The following FNIP1 variants were observed in gnomAD, a reference collection of about 807,000 sequenced individuals.
FNIP1 encodes the protein folliculin interacting protein 1.
Under a neutral mutation model 124.5 loss-of-function variants are expected in FNIP1, and 40 were observed. The ratio of observed to expected loss-of-function variants is 0.32; its 90% CI spans 0.25 to 0.42. FNIP1 has a LOEUF of 0.42. FNIP1 is among the 10% of genes least tolerant of loss of function. The pLI, the probability that FNIP1 is intolerant of heterozygous loss-of-function variation, is 1.00. For missense variants in FNIP1, 1,176 were observed against 1,403.7 expected (o/e 0.84, Z 2.59); for synonymous variants, 472 against 470.6 (o/e 1.00, Z -0.04).
intron 6 of FNIP1, among the ~76,000 whole-genome samples, chr5:131,711,228 C>G (rs1443026146): frequency 6.6e-6 from 1 of 152,134 alleles, no homozygotes; most frequent in Non-Finnish European, 1.5e-5. Flanking sequence ...GGTTACTAAA[C>G]CAGGAGTCAG....
rs748881602 is a variant in FNIP1 at position 131,709,287 on chromosome 5, G to A, written c.707-15C>T. 8.7e-6 allele frequency: 14 copies of A among 1,606,204 alleles called. No individual in the cohort carries two copies. In the East Asian group the frequency reaches 2.7e-4, roughly 31 times the overall value. On this transcript the variant is annotated splice_polypyrimidine_tract_variant and intron_variant, in intron 7 of 17. Coordinates refer to ENST00000510461, the MANE Select transcript of FNIP1 (RefSeq NM_133372.3). ...GTTGCTGTGAACTATAAATAAAGAT[G>A]AAACTGTCAGTTATAAAATATATTG...
intron 1 of FNIP1, among the ~76,000 whole-genome samples, chr5:131,771,136 G>A (rs1021459507): frequency 6.6e-6 from 1 of 151,986 alleles, no homozygotes; most frequent in Non-Finnish European, 1.5e-5. Context: ...CTGTGACAAA[G>A]ACATAAATTC....
Position 131,719,052 on chromosome 5 carries a change from G to A in FNIP1, c.464C>T (p.Pro155Leu). The A allele has an allele frequency of 6.2e-7, 1 of 1,613,534 alleles. No homozygotes were observed. The highest frequency in any genetic ancestry group is 8.5e-7 in the Non-Finnish European group (1 of 1,179,646). ...AAACACTTTGCTGAGCATGAGCTGT[G>A]GAGGGGAACTATGAAGAAAAAGAGA... ...TLKIHQIRSPPQLMLSKVFTA... is the reference protein window; with the variant it reads ...TLKIHQIRSPLQLMLSKVFTA... The change falls in exon 5 of 18, where the codon CCA becomes CTA. Residue 155 changes from proline (P) to leucine (L), a missense_variant. Around this residue, in one of 2 missense-constraint regions of FNIP1, gnomAD observed 1,109 missense variants for 1,288.5 expected, o/e 0.86. Transcript: ENST00000510461.
chr5:131,737,395 G>A (rs547567763), intron 2 of FNIP1, among the ~76,000 whole-genome samples: 47 of 152,254 alleles, frequency 3.1e-4, no homozygotes, highest in African/African-American at 8.9e-4. Flanking sequence ...TCCTGGAACT[G>A]AAGTATGTCC....
chr5:131,661,880 T>C (rs1288591379), intron 15 of FNIP1, among the ~76,000 whole-genome samples: 1 of 152,166 alleles, frequency 6.6e-6, no homozygotes, highest in Non-Finnish European at 1.5e-5. Flanking sequence ...AAAGGATCTG[T>C]GAGAGGCTAA....
At chr5:131,759,001 TAAC>T (rs2149570769) in intron 1 of FNIP1, among the ~76,000 whole-genome samples, 1 of 151,872 alleles carries the variant, frequency 6.6e-6, no homozygotes, top group East Asian at 1.9e-4. Flanking sequence ...GAATGGTGCT[TAAC>T]AAAAAAGGGT....
In FNIP1 at chr5:131,643,334, T is replaced by A. The variant is rs1429004610; in HGVS notation, c.*1351A>T. 2 of 152,752 alleles carry A rather than the reference T, an allele frequency of 1.3e-5. No homozygotes were observed. The highest frequency in any genetic ancestry group is 2.9e-5 in the Non-Finnish European group (2 of 68,038). 9.5% of individuals were successfully genotyped at this position (152,752 alleles called of 1,614,324 possible). On this transcript the variant is annotated 3_prime_UTR_variant, in exon 18 of 18. Transcript: ENST00000510461. ...TTTAATAACTGAATAAACAAGTGGTTTTCTTTTTTTAATCAATGATGAAAT... is the reference window on the plus strand; with the variant it reads ...TTTAATAACTGAATAAACAAGTGGTATTCTTTTTTTAATCAATGATGAAAT...
chr5:131,657,758 A>AAAAAAAAAAAAAAAAAAC (rs1767248419), intron 15 of FNIP1, among the ~76,000 whole-genome samples: 1 of 148,418 alleles, frequency 6.7e-6, no homozygotes, highest in African/African-American at 2.5e-5. Context: ...AAAAAAAAAA[A>AAAAAAAAAAAAAAAAAAC]CGGTGGGTGA....
At chr5:131,657,664 T>C (rs1220985222) in intron 15 of FNIP1, among the ~76,000 whole-genome samples, 3 of 140,788 alleles carry the variant, frequency 2.1e-5, no homozygotes, top group Non-Finnish European at 4.5e-5. Context: ...GAGAAAACTG[T>C]GTCCAGATGT....
At chr5:131,727,757 T>C (rs572918207) in intron 3 of FNIP1, among the ~76,000 whole-genome samples, 3 of 152,322 alleles carry the variant, frequency 2.0e-5, no homozygotes, top group Admixed American at 6.5e-5. Flanking sequence ...TTGTTCATGC[T>C]GTTTCTTCTT....
At chr5:131,773,115 T>C (rs1326522219) in intron 1 of FNIP1, among the ~76,000 whole-genome samples, 1 of 152,164 alleles carries the variant, frequency 6.6e-6, no homozygotes, top group East Asian at 1.9e-4. Flanking sequence ...CCTTACTTCA[T>C]CCAACCTGAA....
In FNIP1 at chr5:131,796,791, G is replaced by A. The variant is rs569890471; in HGVS notation, c.92+39C>T. 2.8e-4 allele frequency: 434 copies of A among 1,537,160 alleles called. 9 individuals carry two copies. The South Asian group carries it at 5.1e-3, about 18-fold the overall frequency. On this transcript the variant is annotated intron_variant, in intron 1 of 17. Transcript: ENST00000510461. ...CACCCCTGGAGCCCGGAGCCCACAA[G>A]GCCATCGGCTCCGCGACCCCCGCCC...
In FNIP1 at chr5:131,730,898, T is replaced by A; in HGVS notation, c.354+6A>T. 3.8e-6 allele frequency: 6 copies of A among 1,592,788 alleles called. No individual in the cohort carries two copies. Among genetic ancestry groups the A allele is most frequent in the Non-Finnish European group, 4.3e-6 (5 of 1,170,738 alleles). Reference sequence around the variant, plus strand: ...ATGAATAAATAAATGACATCAATGATCTTACCTGGTACTTAAGACACTGGT... The same window carrying A: ...ATGAATAAATAAATGACATCAATGAACTTACCTGGTACTTAAGACACTGGT... On this transcript the variant is annotated splice_donor_region_variant and intron_variant, in intron 3 of 17. Coordinates refer to ENST00000510461, the MANE Select transcript of FNIP1 (RefSeq NM_133372.3).
intron 11 of FNIP1, among the ~76,000 whole-genome samples, chr5:131,686,933 C>G (rs886162425): frequency 1.3e-5 from 2 of 150,464 alleles, no homozygotes; most frequent in Non-Finnish European, 2.9e-5. Flanking sequence ...CCCATACCTA[C>G]TAAACAAACT....
At position 131,719,020 on chromosome 5, in the gene FNIP1, G is replaced by T; in HGVS notation, c.496C>A (p.Arg166=). The T allele has an allele frequency of 1.2e-6, 2 of 1,613,436 alleles. No homozygotes were observed. The highest frequency in any genetic ancestry group is 2.2e-5 in the South Asian group (2 of 90,998). Reference sequence around the variant, plus strand: ...CTCCCACAAATACTGCTGCCAGTCCGAGCAGTAAACACTTTGCTGAGCATG... The same window carrying T: ...CTCCCACAAATACTGCTGCCAGTCCTAGCAGTAAACACTTTGCTGAGCATG... ...QLMLSKVFTA[R]TGSSICGSLN... is the part of the protein sequence containing the mutation. Residue 166 remains arginine, a synonymous_variant, in exon 5 of 18, where the codon CGG becomes AGG. Coordinates refer to ENST00000510461, the MANE Select transcript of FNIP1 (RefSeq NM_133372.3).
At chr5:131,709,699 A>T (rs114289626) in intron 7 of FNIP1, among the ~76,000 whole-genome samples, 1 of 152,276 alleles carries the variant, frequency 6.6e-6, no homozygotes, top group South Asian at 2.1e-4. Context: ...AAATTGAGAT[A>T]TTTATTTGAA....
chr5:131,677,641 A>C, intron 13 of FNIP1, 62 bp downstream of exon 13: 1 of 1,451,572 alleles, frequency 6.9e-7, no homozygotes, highest in Non-Finnish European at 9.3e-7. Flanking sequence ...TTTGCTATAA[A>C]ATAATTACAG....
chr5:131,776,416 C>T (rs922546373), intron 1 of FNIP1, among the ~76,000 whole-genome samples: 4 of 152,056 alleles, frequency 2.6e-5, no homozygotes, highest in Non-Finnish European at 4.4e-5. Flanking sequence ...ATCTGTCCAC[C>T]GAAAGACATA....
chr5:131,774,208 G>T (rs1362201594), intron 1 of FNIP1, among the ~76,000 whole-genome samples: 1 of 152,094 alleles, frequency 6.6e-6, no homozygotes, highest in African/African-American at 2.4e-5. Flanking sequence ...TTTATATTTT[G>T]TAGAGACAAA....
Sources: gnomAD v4.1 joint callset for allele counts (sites outside exome capture counted in the v4.1 genomes callset) on GRCh38, gnomAD v4.1.1 for gene constraint, gnomAD v4.1.1 regional missense constraint, MANE v1.5 for transcripts, NCBI Gene and HGNC (gene_info 2026-07-23, HGNC 2026-07-21) for gene names.